The following KCNN2 variants were observed in gnomAD, a reference collection of about 807,000 sequenced individuals.
KCNN2 encodes the protein potassium calcium-activated channel subfamily N member 2, also known as small conductance calcium-activated potassium channel protein 2.
KCNN2 carries 24 observed loss-of-function variants against 55.5 expected under a neutral mutation model. The observed-to-expected ratio is 0.43, with a 90% confidence interval of 0.31 to 0.61. The LOEUF (loss-of-function observed/expected upper bound fraction) is 0.61. Among genes scored for constraint, KCNN2 ranks in the 20% least tolerant of loss-of-function variants. The pLI, the probability that KCNN2 is intolerant of heterozygous loss-of-function variation, is 0.08. For missense variants in KCNN2, 754 were observed against 853.6 expected (o/e 0.88, Z 1.45); for synonymous variants, 431 against 336.1 (o/e 1.28, Z -3.09).
chr5:114,168,140 T>C (rs1752956174), intron 1 of KCNN2, among the ~76,000 whole-genome samples: 1 of 146,596 alleles, frequency 6.8e-6, no homozygotes, highest in South Asian at 2.2e-4. Flanking sequence ...TATGTGTGTA[T>C]ATAGATATAT....
At chr5:114,323,879 C>T (rs1159759819) in intron 2 of KCNN2, among the ~76,000 whole-genome samples, 1 of 151,814 alleles carries the variant, frequency 6.6e-6, no homozygotes, top group African/African-American at 2.4e-5. Flanking sequence ...AATCTCTTGA[C>T]CTCATGATAT....
intron 1 of KCNN2, among the ~76,000 whole-genome samples, chr5:114,133,505 A>T (rs1190220869): frequency 2.0e-5 from 3 of 152,142 alleles, no homozygotes; most frequent in Non-Finnish European, 4.4e-5. Flanking sequence ...CTGGGCCATT[A>T]ATCCACCCTG....
rs184295041 is a variant in KCNN2, at chr5:114,172,018, A to G, written c.-270-49462A>G. Among the ~76,000 whole-genome samples, 278 of 151,956 alleles carry G rather than the reference A, an allele frequency of 1.8e-3. 1 individual carries two copies. Among genetic ancestry groups the G allele is most frequent in the African/African-American group, 6.3e-3 (261 of 41,506 alleles). On this transcript the variant is annotated intron_variant, in intron 1 of 10. Coordinates refer to the KCNN2 transcript ENST00000512097. ...ATGGAATGTGCTCTGGGTTTTAGGAACTCAGGAAACATTATTGATCCTATA... is the reference window on the plus strand; with the variant it reads ...ATGGAATGTGCTCTGGGTTTTAGGAGCTCAGGAAACATTATTGATCCTATA...
chr5:114,469,138 G>A (rs189327231), intron 4 of KCNN2, among the ~76,000 whole-genome samples: 19 of 152,230 alleles, frequency 1.2e-4, no homozygotes, highest in African/African-American at 3.6e-4. Flanking sequence ...AGGTACATAG[G>A]TAATAGTAAC....
intron 2 of KCNN2, among the ~76,000 whole-genome samples, chr5:114,401,256 T>G (rs528970856): frequency 1.4e-3 from 220 of 152,306 alleles, no homozygotes; most frequent in Admixed American, 2.3e-3. Flanking sequence ...AAAACAACTA[T>G]GTAATAGAAC....
intron 2 of KCNN2, among the ~76,000 whole-genome samples, chr5:114,284,797 C>T (rs562574106): frequency 2.0e-5 from 3 of 152,006 alleles, no homozygotes; most frequent in African/African-American, 7.2e-5. Context: ...GGATTACAGG[C>T]GTCAGCCACC....
chr5:114,479,145 A>G (rs1762106258), intron 5 of KCNN2, among the ~76,000 whole-genome samples: 1 of 152,132 alleles, frequency 6.6e-6, no homozygotes, highest in Non-Finnish European at 1.5e-5. Flanking sequence ...TGCTGTCTTC[A>G]AGAGACCCTC....
At position 114,079,861 on chromosome 5, in the gene KCNN2, G is replaced by C. The variant is rs564849976; in HGVS notation, c.-271+23361G>C. ...TGTGTGTGTGAGAGAGAGAGAGAGA[G>C]AGAGAGACAGAGAGACAGAGAAGGT... On this transcript the variant is annotated intron_variant, in intron 1 of 10. Coordinates refer to the KCNN2 transcript ENST00000512097. 3.2e-3 allele frequency among the ~76,000 whole-genome samples: 482 copies of C among 150,006 alleles called. 4 individuals are homozygous for C. Among genetic ancestry groups the C allele is most frequent in the African/African-American group, 0.011 (459 of 40,720 alleles).
At chr5:114,448,682 C>T (rs555601061) in intron 3 of KCNN2, among the ~76,000 whole-genome samples, 19 of 152,272 alleles carry the variant, frequency 1.2e-4, no homozygotes, top group East Asian at 9.7e-4. Flanking sequence ...TATCTCTCCC[C>T]GAGGAATAAT....
At chr5:114,123,350 A>G (rs980161027) in intron 1 of KCNN2, among the ~76,000 whole-genome samples, 2 of 88,214 alleles carry the variant, frequency 2.3e-5, no homozygotes, top group Non-Finnish European at 4.2e-5. Flanking sequence ...ACATTTTCTT[A>G]ATTTTTTTTT....
chr5:114,070,720 A>G (rs957752421), intron 1 of KCNN2, among the ~76,000 whole-genome samples: 1 of 152,226 alleles, frequency 6.6e-6, no homozygotes, highest in Admixed American at 6.5e-5. Context: ...TTTGTGAATT[A>G]TAATTAAAAG....
At chr5:114,126,441 G>A (rs76733005) in intron 1 of KCNN2, among the ~76,000 whole-genome samples, 1 of 152,152 alleles carries the variant, frequency 6.6e-6, no homozygotes, top group East Asian at 1.9e-4. Flanking sequence ...GCCCAGTATA[G>A]GGGGAAGCCC....
chr5:114,416,455 A>G (rs2150077865), intron 3 of KCNN2, among the ~76,000 whole-genome samples: 1 of 152,306 alleles, frequency 6.6e-6, no homozygotes, highest in Middle Eastern at 3.4e-3. Flanking sequence ...CTTTGGAAGG[A>G]TGATGCTCTA....
intron 2 of KCNN2, among the ~76,000 whole-genome samples, chr5:114,352,039 A>G (rs1355467226): frequency 6.6e-6 from 1 of 151,814 alleles, no homozygotes; most frequent in Non-Finnish European, 1.5e-5. Flanking sequence ...CAGATTCACC[A>G]GCGAAGCCAA....
intron 2 of KCNN2, among the ~76,000 whole-genome samples, chr5:114,319,028 T>TG (rs571985019): frequency 1.4e-3 from 206 of 152,212 alleles, no homozygotes; most frequent in African/African-American, 4.9e-3. Context: ...CTTTCTTCTG[T>TG]GCCCCCAACG....
rs1313156829 is a variant in KCNN2 at position 114,363,073 on chromosome 5, G to A, written c.934G>A (p.Gly312Arg). Residue 312 changes from glycine to arginine, a missense_variant, in exon 1 of 8, where the codon GGG (glycine) becomes AGG (arginine). Physicochemically the swap from Gly to Arg is moderately radical, Grantham distance 125. Around this residue, in one of 4 missense-constraint regions of KCNN2, gnomAD observed 381 missense variants for 259.1 expected, o/e 1.47. Transcript: ENST00000673685. ...TGGGGGGGGSGHGSSSGTKSS... is the reference protein window; with the variant it reads ...TGGGGGGGGSRHGSSSGTKSS... ...AGGAGGCGGCGGCGGTGGCGGGAGC[G>A]GGCACGGCAGCAGCAGTGGCACCAA... The A allele has an allele frequency of 1.2e-6, 2 of 1,609,872 alleles. No individual in the cohort carries two copies. The highest frequency in any genetic ancestry group is 1.7e-5 in the Admixed American group (1 of 59,880).
At chr5:114,271,126 C>G (rs896553443) in intron 2 of KCNN2, among the ~76,000 whole-genome samples, 3 of 152,166 alleles carry the variant, frequency 2.0e-5, no homozygotes, top group African/African-American at 7.2e-5. Context: ...CTGCCCATAT[C>G]CTGCTGATTG....
At chr5:114,337,928 A>G (rs1188420043) in intron 2 of KCNN2, among the ~76,000 whole-genome samples, 3 of 152,188 alleles carry the variant, frequency 2.0e-5, no homozygotes. Context: ...TTGTACCTTT[A>G]ATAAAGCTAG....
chr5:114,189,281 T>C (rs1159726846), intron 1 of KCNN2, among the ~76,000 whole-genome samples: 1 of 152,064 alleles, frequency 6.6e-6, no homozygotes, highest in East Asian at 1.9e-4. Context: ...AAACCCAGTC[T>C]GTGTACAAAG....
Sources: gnomAD v4.1 joint callset for allele counts (sites outside exome capture counted in the v4.1 genomes callset) on GRCh38, gnomAD v4.1.1 for gene constraint, gnomAD v4.1.1 regional missense constraint, MANE v1.5 for transcripts, NCBI Gene and HGNC (gene_info 2026-07-23, HGNC 2026-07-21) for gene names.